SHANK2: variants seen among roughly 807,000 people sequenced by gnomAD.
SHANK2 encodes the protein SH3 and multiple ankyrin repeat domains 2, also known as SH3 and multiple ankyrin repeat domains protein 2.
In SHANK2, 43 loss-of-function variants were observed where a neutral mutation model predicts 133.7. The observed-to-expected ratio is 0.32, with a 90% CI of 0.25 to 0.41. The LOEUF (loss-of-function observed/expected upper bound fraction) is 0.41, where lower values mean the gene tolerates loss of function less well. Ranked by LOEUF, SHANK2 falls within the 10% of genes least tolerant of loss-of-function variation. The probability of loss-of-function intolerance (pLI) is 1.00; values close to 1 mark genes in which losing one functional copy is unlikely to be tolerated. For missense variants in SHANK2, 1,994 were observed against 2,235.8 expected, an observed-to-expected ratio of 0.89 and a Z score of 2.18; for synonymous variants, 1,017 against 952.8, an observed-to-expected ratio of 1.07 and a Z score of -1.24.
chr11:70,657,525 A>G (rs1314636413), intron 17 of SHANK2, among the ~76,000 whole-genome samples: 2 of 152,212 alleles, frequency 1.3e-5, no homozygotes, highest in Admixed American at 1.3e-4. Context: ...AGCTGTGGAC[A>G]TGAACTGGGA....
At chr11:70,643,901 A>G (rs1160436476) in intron 17 of SHANK2, among the ~76,000 whole-genome samples, 1 of 149,742 alleles carries the variant, frequency 6.7e-6, no homozygotes, top group Non-Finnish European at 1.5e-5. Flanking sequence ...GAAGCCGACT[A>G]AGGGACTGCA....
At chr11:70,914,983 A>G (rs1394985197) in intron 10 of SHANK2, among the ~76,000 whole-genome samples, 1 of 152,016 alleles carries the variant, frequency 6.6e-6, no homozygotes, top group Non-Finnish European at 1.5e-5. Context: ...GGAATCTTGT[A>G]GGCTACAACA....
At chr11:70,539,518 C>T (rs1041382862) in intron 17 of SHANK2, among the ~76,000 whole-genome samples, 4 of 151,024 alleles carry the variant, frequency 2.6e-5, no homozygotes, top group Admixed American at 6.6e-5. Flanking sequence ...TCACTCGCCA[C>T]GCTCACCACG....
chr11:70,584,750 G>C (rs2060226643), intron 17 of SHANK2, among the ~76,000 whole-genome samples: 1 of 152,178 alleles, frequency 6.6e-6, no homozygotes, highest in Admixed American at 6.5e-5. Context: ...CTACCTCCTG[G>C]GAAGAGTGAG....
rs2058557537 is a variant in SHANK2 at position 70,468,227 on chromosome 11, A to G, written c.*4642T>C. ...AATTTCAAAATTGGCATGAACAAAG[A>G]GTTCCAGAGTGGAATCAATGGACAG... is the stretch of plus-strand genomic sequence containing the variant. On this transcript the variant is annotated 3_prime_UTR_variant, in exon 26 of 26. Transcript: ENST00000601538. The G allele has an allele frequency of 1.3e-5, 2 of 152,132 alleles. No homozygotes were observed. 9.4% of individuals were successfully genotyped at this position (152,132 alleles called of 1,614,324 possible). A position where few individuals can be genotyped will look rare whatever the true frequency, so the allele number is the denominator to read the frequency against.
At chr11:70,837,684 G>A (rs1207993925) in intron 11 of SHANK2, among the ~76,000 whole-genome samples, 2 of 152,154 alleles carry the variant, frequency 1.3e-5, no homozygotes, top group Admixed American at 1.3e-4. Flanking sequence ...TCTCAAAGAT[G>A]TGCGTTGAGG....
chr11:70,550,809 C>T (rs893042301), intron 17 of SHANK2, among the ~76,000 whole-genome samples: 1 of 152,214 alleles, frequency 6.6e-6, no homozygotes. Context: ...GCAGGACAAG[C>T]TCCAGGAGGG....
intron 14 of SHANK2, among the ~76,000 whole-genome samples, chr11:70,736,330 C>T (rs1946402500): frequency 6.6e-6 from 1 of 152,176 alleles, no homozygotes. Context: ...TGACTGTACC[C>T]TAGCCCCCGA....
intron 11 of SHANK2, among the ~76,000 whole-genome samples, chr11:70,828,225 T>C (rs1555057617): frequency 1.3e-5 from 2 of 152,136 alleles, no homozygotes; most frequent in African/African-American, 2.4e-5. Context: ...AATGCTCCAA[T>C]GAGCTATGAT....
chr11:71,204,227 G>A (rs2135648198), intron 2 of SHANK2, among the ~76,000 whole-genome samples: 1 of 141,702 alleles, frequency 7.1e-6, no homozygotes, highest in South Asian at 2.2e-4. Context: ...AGTCAAAGAT[G>A]TAAATCCAAA....
chr11:71,178,975 TTCG>T (rs782079067), intron 2 of SHANK2, among the ~76,000 whole-genome samples: 1 of 149,988 alleles, frequency 6.7e-6, no homozygotes, highest in East Asian at 1.9e-4. Context: ...AGAATGAGAC[TTCG>T]TCTGAAGTGA....
intron 11 of SHANK2, among the ~76,000 whole-genome samples, chr11:70,827,172 A>T (rs1439716866): frequency 6.6e-6 from 1 of 152,128 alleles, no homozygotes; most frequent in Non-Finnish European, 1.5e-5. Context: ...TCTGTTCAAA[A>T]GAATCAGACA....
At chr11:70,892,596 T>C (rs782696233) in intron 11 of SHANK2, among the ~76,000 whole-genome samples, 3 of 152,208 alleles carry the variant, frequency 2.0e-5, no homozygotes, top group Non-Finnish European at 2.9e-5. Flanking sequence ...CAGCATCAGA[T>C]GGACATGGGG....
chr11:71,157,203 C>G (rs1952924091), intron 2 of SHANK2, among the ~76,000 whole-genome samples: 1 of 152,204 alleles, frequency 6.6e-6, no homozygotes, highest in African/African-American at 2.4e-5. Flanking sequence ...GAAATGGGCT[C>G]TAGGGAAATA....
chr11:71,204,234 C>T (rs557361980), intron 2 of SHANK2, among the ~76,000 whole-genome samples: 1 of 151,402 alleles, frequency 6.6e-6, no homozygotes, highest in Non-Finnish European at 1.5e-5. Context: ...GATGTAAATC[C>T]AAAAAAAACC....
chr11:70,708,804 A>G (rs1945718708), intron 14 of SHANK2, among the ~76,000 whole-genome samples: 1 of 152,178 alleles, frequency 6.6e-6, no homozygotes, highest in East Asian at 1.9e-4. Context: ...AATTGACAAT[A>G]AGCACAGATG....
Position 70,486,754 on chromosome 11 carries a change from T to C in SHANK2, c.3539A>G (p.Gln1180Arg), listed in dbSNP as rs782251103. 1.2e-6 allele frequency: 2 copies of C among 1,610,986 alleles called. No homozygotes were observed. The highest frequency in any genetic ancestry group is 2.2e-5 in the South Asian group (2 of 91,062). Residue 1180 changes from glutamine (Q) to arginine (R), a missense_variant, in exon 25 of 26, where the codon CAG becomes CGG. Around this residue, in one of 5 missense-constraint regions of SHANK2, gnomAD observed 797 missense variants for 907.4 expected, o/e 0.88. Coordinates refer to ENST00000601538, the MANE Select transcript of SHANK2 (RefSeq NM_012309.5). This position sits in a 1 kb window ranked among gnomAD's most constrained non-coding sequence, Gnocchi z 8.0. ...CACTGCTGGGCTGCTCTCGGGCCCC[T>C]GGGCTTTGGACGTGGAATTCAGCGG... ...GRPLNSTSKA[Q>R]GPESSPAVPS...
intron 6 of SHANK2, among the ~76,000 whole-genome samples, chr11:71,108,611 C>G (rs1377120266): frequency 1.3e-5 from 2 of 152,224 alleles, no homozygotes; most frequent in African/African-American, 2.4e-5. Context: ...CAGCCTTGTC[C>G]ACGTCACTGC....
intron 17 of SHANK2, among the ~76,000 whole-genome samples, chr11:70,618,236 G>A (rs1310788349): frequency 3.3e-5 from 5 of 150,480 alleles, no homozygotes; most frequent in Non-Finnish European, 7.4e-5. Flanking sequence ...AGAGGTTGCA[G>A]TGAGCCAAGA....
Sources: gnomAD v4.1 joint callset for allele counts (sites outside exome capture counted in the v4.1 genomes callset) on GRCh38, gnomAD v4.1.1 for gene constraint, gnomAD v4.1.1 regional missense constraint, Gnocchi (gnomAD v3.1) non-coding constraint, MANE v1.5 for transcripts, NCBI Gene and HGNC (gene_info 2026-07-23, HGNC 2026-07-21) for gene names.